TMEM232: variants seen among roughly 807,000 people sequenced by gnomAD.
TMEM232 encodes transmembrane protein 232.
TMEM232 carries 80 observed loss-of-function variants against 78.8 expected under a neutral mutation model. The ratio of observed to expected loss-of-function variants is 1.01; its 90% CI spans 0.85 to 1.22. The LOEUF is 1.22. Among genes scored for constraint, TMEM232 ranks in the 50% most tolerant of loss-of-function variants. The pLI is 0.00. For synonymous variants in TMEM232, 297 were observed against 254.3 expected (o/e 1.17, Z -1.60); for missense variants, 881 against 742.2 (o/e 1.19, Z -2.17).
intron 12 of TMEM232, among the ~76,000 whole-genome samples, chr5:110,461,851 T>A (rs994684123): frequency 6.6e-6 from 1 of 152,166 alleles, no homozygotes; most frequent in African/African-American, 2.4e-5. Context: ...CATGGTTTGC[T>A]GAATATTTTA....
intron 2 of TMEM232, among the ~76,000 whole-genome samples, chr5:110,401,208 C>T (rs899910750): frequency 6.0e-5 from 9 of 149,470 alleles, no homozygotes; most frequent in Non-Finnish European, 1.3e-4. Context: ...TGGCAAAGAG[C>T]GGTTCATTTT....
chr5:110,470,285 A>G (rs1294598441), intron 12 of TMEM232, among the ~76,000 whole-genome samples: 2 of 152,010 alleles, frequency 1.3e-5, no homozygotes, highest in Admixed American at 1.3e-4. Flanking sequence ...TTCCCTGGGC[A>G]CAAGCGCTAG....
chr5:110,515,023 G>C (rs575041996), intron 12 of TMEM232, among the ~76,000 whole-genome samples: 1 of 152,274 alleles, frequency 6.6e-6, no homozygotes, highest in African/African-American at 2.4e-5. Context: ...TCATATGAGG[G>C]AGAAGAAAAC....
rs377139293 is a variant in TMEM232 at position 110,587,663 on chromosome 5, G to GTATA, written c.1276+17442_1276+17445dup. ...ATGATGGTTTCATGGGTACATGTATGTATATATATATATATATATATATAT... is the reference window on the plus strand; with the variant it reads ...ATGATGGTTTCATGGGTACATGTATGTATATATATATATATATATATATATATAT... On this transcript the variant is annotated intron_variant, in intron 10 of 13. Coordinates refer to ENST00000455884, the MANE Select transcript of TMEM232 (RefSeq NM_001039763.4). Among the ~76,000 whole-genome samples, 435 of 96,166 alleles carry GTATA rather than the reference G, an allele frequency of 4.5e-3. 5 individuals carry two copies. The highest frequency in any genetic ancestry group is 5.8e-3 in the South Asian group (14 of 2,406). 63.1% of individuals were successfully genotyped at this position (96,166 alleles called of 152,430 possible). A position where few individuals can be genotyped will look rare whatever the true frequency, so the allele number is the denominator to read the frequency against.
At chr5:110,732,892 A>C (rs1209833523) in intron 2 of TMEM232, among the ~76,000 whole-genome samples, 1 of 152,262 alleles carries the variant, frequency 6.6e-6, no homozygotes, top group African/African-American at 2.4e-5. Flanking sequence ...GACAACATAC[A>C]GAATGAGAGA....
rs1777905927 is a variant in TMEM232 at position 110,579,274 on chromosome 5, C to T, written c.1277-10649G>A. On this transcript the variant is annotated intron_variant, in intron 10 of 13. Transcript: ENST00000455884. ...AAACTGCAGTTTAAAAAAAAAAAAC[C>T]GAAATACTTTCTCAGACAAACAAAA... Among the ~76,000 whole-genome samples, 6 of 149,134 alleles carry T rather than the reference C, an allele frequency of 4.0e-5. No individual in the cohort carries two copies. In the South Asian group the frequency reaches 8.5e-4, roughly 21 times the overall value.
At chr5:110,511,265 A>C (rs1767699598) in intron 12 of TMEM232, among the ~76,000 whole-genome samples, 1 of 152,006 alleles carries the variant, frequency 6.6e-6, no homozygotes, top group African/African-American at 2.4e-5. Context: ...GGGCACAGGG[A>C]GGGGAACACC....
intron 11 of TMEM232, among the ~76,000 whole-genome samples, chr5:110,541,456 G>A (rs1773103404): frequency 6.6e-6 from 1 of 152,076 alleles, no homozygotes; most frequent in African/African-American, 2.4e-5. Flanking sequence ...AGGTTATAAA[G>A]GTCCTCTTAA....
intron 1 of TMEM232, among the ~76,000 whole-genome samples, chr5:110,721,923 T>C (rs531438145): frequency 7.2e-4 from 109 of 151,890 alleles, no homozygotes; most frequent in Non-Finnish European, 1.4e-3. Context: ...TTATGTTGCC[T>C]AGCAGGTGGC....
chr5:110,467,148 A>ATAAT (rs890188809), intron 12 of TMEM232, among the ~76,000 whole-genome samples: 7 of 152,230 alleles, frequency 4.6e-5, no homozygotes, highest in African/African-American at 1.7e-4. Context: ...ATATGCTTAC[A>ATAAT]TAATTCATCT....
chr5:110,437,198 T>C (rs1758529975), intron 12 of TMEM232, among the ~76,000 whole-genome samples: 1 of 152,070 alleles, frequency 6.6e-6, no homozygotes, highest in South Asian at 2.1e-4. Context: ...TTAATTTTAT[T>C]TGTAGCTATT....
At chr5:110,391,212 A>G (rs1462670699) in intron 3 of TMEM232, among the ~76,000 whole-genome samples, 1 of 151,926 alleles carries the variant, frequency 6.6e-6, no homozygotes, top group East Asian at 1.9e-4. Context: ...AATGAATAAG[A>G]TGAGATAACT....
intron 3 of TMEM232, among the ~76,000 whole-genome samples, chr5:110,641,395 G>T (rs148825541): frequency 4.6e-5 from 7 of 152,148 alleles, no homozygotes; most frequent in Admixed American, 4.6e-4. Flanking sequence ...CTACTTCATT[G>T]TTGATATACG....
At chr5:110,426,797 A>G (rs1355083868) in intron 12 of TMEM232, among the ~76,000 whole-genome samples, 1 of 152,158 alleles carries the variant, frequency 6.6e-6, no homozygotes, top group South Asian at 2.1e-4. Context: ...TGGTTTAACT[A>G]AATTCATTCA....
At position 110,613,484 on chromosome 5, in the gene TMEM232, C is replaced by A. The variant is rs528248628; in HGVS notation, c.902+4945G>T. Among the ~76,000 whole-genome samples the A allele has an allele frequency of 2.0e-5, 3 of 152,184 alleles. No homozygotes were observed. In the South Asian group the frequency reaches 6.2e-4, roughly 32 times the overall value. The stretch of plus-strand genomic sequence containing the variant: ...CATTTGTTCAACATTATGTTACTTT[C>A]CTGAAATGTACGGCAAATGAAATTG... On this transcript the variant is annotated intron_variant, in intron 8 of 13. Transcript: ENST00000455884.
chr5:110,734,726 A>G (rs1308434261), intron 2 of TMEM232, among the ~76,000 whole-genome samples: 4 of 152,202 alleles, frequency 2.6e-5, no homozygotes, highest in African/African-American at 7.2e-5. Context: ...TTCCCTAACA[A>G]TGTAATCAGG....
chr5:110,675,028 TTTATTTATTTATTTATTTATTTA>T (rs1791846456), intron 1 of TMEM232, among the ~76,000 whole-genome samples: 3 of 3,284 alleles, frequency 9.1e-4, no homozygotes, highest in African/African-American at 1.4e-3. Context: ...TATTTATTTA[TTTATTTATTTATTTATTTATTTA>T]TTTATTTTGA....
chr5:110,710,558 A>G (rs374548548), intron 1 of TMEM232, among the ~76,000 whole-genome samples: 2 of 152,154 alleles, frequency 1.3e-5, no homozygotes, highest in Non-Finnish European at 2.9e-5. Flanking sequence ...GACGAAGAGA[A>G]ATTTATCCCA....
At chr5:110,416,723 T>G (rs1348825892), downstream of TMEM232, among the ~76,000 whole-genome samples, 1 of 152,200 alleles carries the variant, frequency 6.6e-6, no homozygotes, top group Non-Finnish European at 1.5e-5. Context: ...ATCAATTACT[T>G]AAATTATAAT....
Sources: allele counts gnomAD v4.1 joint callset (sites outside exome capture counted in the v4.1 genomes callset), GRCh38; gene constraint gnomAD v4.1.1; transcripts MANE v1.5; gene names NCBI Gene and HGNC (gene_info 2026-07-23, HGNC 2026-07-21).